Variants in CHD9 observed in about 807,000 individuals in gnomAD.
CHD9 encodes ATP-dependent chromatin remodeler CHD9.
Under a neutral mutation model 316.1 loss-of-function variants are expected in CHD9, and 77 were observed. The ratio of observed to expected loss-of-function variants is 0.24; its 90% CI spans 0.20 to 0.29. The LOEUF (loss-of-function observed/expected upper bound fraction) is 0.29, where lower values mean the gene tolerates loss of function less well. Ranked by LOEUF, CHD9 falls within the 10% of genes least tolerant of loss-of-function variation. The probability of loss-of-function intolerance (pLI) is 1.00; values close to 1 mark genes in which losing one functional copy is unlikely to be tolerated. For missense variants in CHD9, 2,763 were observed against 3,438.1 expected (o/e 0.80, Z 4.91); for synonymous variants, 1,129 against 1,158.3 (o/e 0.97, Z 0.51).
chr16:53,122,831 C>T (rs1042920714), intron 1 of CHD9, among the ~76,000 whole-genome samples: 20 of 151,694 alleles, frequency 1.3e-4, no homozygotes, highest in African/African-American at 2.7e-4. Context: ...CTCAGCCTCC[C>T]GAGTAGCTGG....
chr16:53,156,126 A>G lies in CHD9; in HGVS notation c.37A>G (p.Asn13Asp), dbSNP rs1167105941. The change falls in exon 2 of 39, where the codon AAT (asparagine) becomes GAT (aspartate). Residue 13 changes from asparagine (N) to aspartate (D), a missense_variant. Asn to Asp is a conservative substitution (Grantham distance 23). Around this residue, in one of 15 missense-constraint regions of CHD9, gnomAD observed 859 missense variants for 890.4 expected, o/e 0.96. Coordinates refer to ENST00000447540, the MANE Select transcript of CHD9 (RefSeq NM_001308319.2). ...DPMMDFFDDANLFGETLEGLS... is the reference protein window; with the variant it reads ...DPMMDFFDDADLFGETLEGLS... ...AATGATGGACTTTTTTGATGATGCC[A>G]ATCTTTTTGGTGAGACCTTAGAAGG... is the stretch of plus-strand genomic sequence containing the variant. 7.4e-6 allele frequency: 12 copies of G among 1,613,328 alleles called. No homozygotes were observed. The highest frequency in any genetic ancestry group is 1.0e-5 in the Non-Finnish European group (12 of 1,179,698).
chr16:53,239,201 CT>C (rs1240972890), intron 12 of CHD9, among the ~76,000 whole-genome samples: 1 of 152,176 alleles, frequency 6.6e-6, no homozygotes, highest in South Asian at 2.1e-4. Flanking sequence ...ACCACTTACT[CT>C]TTAGGAAGGG....
Position 53,156,402 on chromosome 16 carries a change from A to T in CHD9, c.313A>T (p.Ile105Phe). ...SPHSQFNCSP[I>F]HPQNQPNGLF... Reference sequence around the variant, plus strand: ...ACACTCTCAGTTTAATTGTTCTCCAATCCATCCCCAAAACCAACCCAATGG... The same window carrying T: ...ACACTCTCAGTTTAATTGTTCTCCATTCCATCCCCAAAACCAACCCAATGG... Residue 105 changes from isoleucine to phenylalanine, a missense_variant, in exon 2 of 39, where the codon ATC (isoleucine) becomes TTC (phenylalanine). Physicochemically the swap from Ile to Phe is conservative, Grantham distance 21. Transcript: ENST00000447540. The T allele has an allele frequency of 6.2e-7, 1 of 1,613,990 alleles. No individual in the cohort carries two copies. Among genetic ancestry groups the T allele is most frequent in the Non-Finnish European group, 8.5e-7 (1 of 1,179,900 alleles).
chr16:53,102,546 A>T (rs537471561), intron 1 of CHD9, among the ~76,000 whole-genome samples: 3 of 152,122 alleles, frequency 2.0e-5, no homozygotes, highest in Admixed American at 6.6e-5. Context: ...TACCCACAAT[A>T]AATATTTTTT....
chr16:53,220,332 T>A lies in CHD9; in HGVS notation c.1785-2312T>A, dbSNP rs149015229. ...GGTAATCATACCAATACAAGAATAA[T>A]ATAGGGAAAAAGCATTCTATAACTT... is the stretch of plus-strand genomic sequence containing the variant. On this transcript the variant is annotated intron_variant, in intron 3 of 38. Transcript: ENST00000447540. Among the ~76,000 whole-genome samples the A allele has an allele frequency of 3.7e-3, 559 of 152,326 alleles. 6 individuals carry two copies. The highest frequency in any genetic ancestry group is 0.013 in the African/African-American group (526 of 41,564).
intron 3 of CHD9, among the ~76,000 whole-genome samples, chr16:53,215,601 G>A (rs1285003769): frequency 1.3e-5 from 2 of 152,044 alleles, no homozygotes; most frequent in East Asian, 1.9e-4. Flanking sequence ...CACTGAGCTT[G>A]CAAAGAAAAA....
chr16:53,082,258 G>A (rs1261805789), intron 1 of CHD9, among the ~76,000 whole-genome samples: 1 of 151,248 alleles, frequency 6.6e-6, no homozygotes, highest in Non-Finnish European at 1.5e-5. Flanking sequence ...ATTCATGTAT[G>A]TCAGCATCTT....
chr16:53,150,500 A>T (rs556559501), intron 1 of CHD9, among the ~76,000 whole-genome samples: 1 of 152,300 alleles, frequency 6.6e-6, no homozygotes, highest in East Asian at 1.9e-4. Context: ...CATATTTTTT[A>T]AAAAGGCATT....
At position 53,243,005 on chromosome 16, in the gene CHD9, C is replaced by T. The variant is rs753088554; in HGVS notation, c.3043C>T (p.Leu1015Phe). ...KNCKLLEGLK[L>F]MNLEHKVLLT... is the part of the protein sequence containing the mutation. ...TTGTAAACTCTTAGAGGGCCTGAAA[C>T]TCATGAATCTGGTAAGTAACTTAAT... Residue 1015 changes from leucine (L) to phenylalanine (F), a missense_variant, in exon 13 of 39, where the codon CTC becomes TTC. By Grantham distance (22) the Leu-to-Phe change is conservative. Coordinates refer to ENST00000447540, the MANE Select transcript of CHD9 (RefSeq NM_001308319.2). The T allele has an allele frequency of 2.5e-6, 4 of 1,598,518 alleles. No individual in the cohort carries two copies. The South Asian group carries it at 4.4e-5, about 18-fold the overall frequency.
At position 53,227,370 on chromosome 16, in the gene CHD9, C is replaced by A. The variant is rs755350768; in HGVS notation, c.2044-26C>A. On this transcript the variant is annotated intron_variant, in intron 5 of 38. Coordinates refer to ENST00000447540, the MANE Select transcript of CHD9 (RefSeq NM_001308319.2). Reference sequence around the variant, plus strand: ...AAAGATCTTTCAGAATGTGTTCTGTCATTATTTCTTTCCTCCCTCCCATAG... The same window carrying A: ...AAAGATCTTTCAGAATGTGTTCTGTAATTATTTCTTTCCTCCCTCCCATAG... The A allele has an allele frequency of 4.1e-6, 6 of 1,466,754 alleles. No homozygotes were observed. The South Asian group carries it at 5.0e-5, about 12-fold the overall frequency. The allele number at this position is 1,466,754 out of a possible 1,614,324, so 90.9% of individuals were successfully genotyped here.
At chr16:53,284,693 A>G (rs1484207075) in intron 24 of CHD9, among the ~76,000 whole-genome samples, 3 of 152,166 alleles carry the variant, frequency 2.0e-5, no homozygotes, top group Non-Finnish European at 4.4e-5. Context: ...TGGGTTTATT[A>G]TTTTACTTTT....
At chr16:53,295,806 A>C (rs541510019) in intron 29 of CHD9, among the ~76,000 whole-genome samples, 80 of 152,346 alleles carry the variant, frequency 5.3e-4, no homozygotes, top group African/African-American at 1.8e-3. Flanking sequence ...AATTTACACA[A>C]TAATCCTGTG....
At chr16:53,238,305 C>T (rs1236932870) in intron 11 of CHD9, 38 bp from the exon 12 acceptor site, 13 of 1,517,496 alleles carry the variant, frequency 8.6e-6, no homozygotes, top group Middle Eastern at 1.8e-4. Context: ...AGAAAAAAAA[C>T]CCAATGTATG....
chr16:53,287,909 A>G (rs780984172), intron 26 of CHD9, 48 bp from the exon 27 acceptor site: 29 of 1,428,042 alleles, frequency 2.0e-5, no homozygotes, highest in Non-Finnish European at 4.0e-6. Context: ...ATCAAGTGAA[A>G]TCTTAAGTCC....
intron 34 of CHD9, among the ~76,000 whole-genome samples, chr16:53,312,204 G>A (rs1370792579): frequency 6.6e-6 from 1 of 152,088 alleles, no homozygotes; most frequent in African/African-American, 2.4e-5. Flanking sequence ...TTTTTATGTA[G>A]TACAGGGATA....
intron 2 of CHD9, among the ~76,000 whole-genome samples, chr16:53,204,123 CGTGTGTGTGTGTGT>C (rs59131817): frequency 7.0e-6 from 1 of 142,066 alleles, no homozygotes; most frequent in African/African-American, 2.6e-5. Context: ...ATCTAGATAA[CGTGTGTGTGTGTGT>C]GTGTGTGTGT....
intron 26 of CHD9, among the ~76,000 whole-genome samples, chr16:53,287,407 CTT>C (rs1228093333): frequency 1.3e-5 from 2 of 152,146 alleles, no homozygotes; most frequent in Non-Finnish European, 2.9e-5. Flanking sequence ...GTAAGGAACA[CTT>C]TGTGGTTAAT....
At chr16:53,105,998 A>T (rs1160350267) in intron 1 of CHD9, among the ~76,000 whole-genome samples, 1 of 151,898 alleles carries the variant, frequency 6.6e-6, no homozygotes, top group Admixed American at 6.6e-5. Flanking sequence ...AATTTTTTGT[A>T]TCTTTAGTAG....
chr16:53,197,517 G>A (rs556777296), intron 2 of CHD9, among the ~76,000 whole-genome samples: 2 of 152,152 alleles, frequency 1.3e-5, no homozygotes, highest in South Asian at 2.1e-4. Flanking sequence ...CTATTATGCT[G>A]TTATGGAAGA....
Sources: gnomAD v4.1 joint callset for allele counts (sites outside exome capture counted in the v4.1 genomes callset) on GRCh38, gnomAD v4.1.1 for gene constraint, gnomAD v4.1.1 regional missense constraint, MANE v1.5 for transcripts, NCBI Gene and HGNC (gene_info 2026-07-23, HGNC 2026-07-21) for gene names.